The following WWOX variants were observed in gnomAD, a reference collection of about 807,000 sequenced individuals.
WWOX encodes the protein WW domain-containing oxidoreductase.
A neutral mutation model predicts 46.2 loss-of-function variants in WWOX; 69 were observed. The ratio of observed to expected loss-of-function variants is 1.49; its 90% CI spans 1.23 to 1.82. WWOX has a LOEUF of 1.82. Among genes scored for constraint, WWOX ranks in the 40% most tolerant of loss-of-function variants. WWOX has a pLI of 0.00. For missense variants in WWOX, 919 were observed against 542.6 expected, an observed-to-expected ratio of 1.69 and a Z score of -6.89; for synonymous variants, 359 against 202.6, an observed-to-expected ratio of 1.77 and a Z score of -6.56.
chr16:78,530,282 T>C (rs976580579), intron 8 of WWOX, among the ~76,000 whole-genome samples: 1 of 152,178 alleles, frequency 6.6e-6, no homozygotes, highest in Non-Finnish European at 1.5e-5. Flanking sequence ...AGGGTCAGCG[T>C]GACAGCCTTT....
intron 8 of WWOX, chr16:79,077,961 ACT>A (rs1462738882): frequency 1.3e-5 from 2 of 151,528 alleles, no homozygotes; most frequent in African/African-American, 4.9e-5. Context: ...TCTCCAGGAA[ACT>A]CTGTTCCTAC....
At chr16:78,428,648 G>C (rs1198636402) in intron 7 of WWOX, among the ~76,000 whole-genome samples, 1 of 152,196 alleles carries the variant, frequency 6.6e-6, no homozygotes, top group African/African-American at 2.4e-5. Context: ...TTCACTTAGT[G>C]TTCCCTAGTC....
intron 8 of WWOX, among the ~76,000 whole-genome samples, chr16:79,189,160 C>T (rs1357960171): frequency 2.0e-5 from 3 of 152,136 alleles, no homozygotes; most frequent in African/African-American, 7.2e-5. Flanking sequence ...TTTCTGTTTC[C>T]AGCATGGTCT....
chr16:78,838,570 G>A (rs561728776), intron 8 of WWOX, among the ~76,000 whole-genome samples: 2 of 152,258 alleles, frequency 1.3e-5, no homozygotes, highest in East Asian at 3.9e-4. Context: ...GGCTGGGCAC[G>A]GTGGCTCACT....
At chr16:78,362,465 C>G (rs532671059) in intron 5 of WWOX, among the ~76,000 whole-genome samples, 2 of 152,166 alleles carry the variant, frequency 1.3e-5, no homozygotes, top group South Asian at 2.1e-4. Flanking sequence ...CAAAAATTAA[C>G]AGGCGTGGTG....
chr16:78,366,925 A>T (rs1472081429), intron 5 of WWOX, among the ~76,000 whole-genome samples: 4 of 150,790 alleles, frequency 2.7e-5, no homozygotes, highest in African/African-American at 7.3e-5. Flanking sequence ...GTAGGAGAGA[A>T]GTTGAAATTA....
At chr16:79,093,274 A>C (rs535543762) in intron 8 of WWOX, among the ~76,000 whole-genome samples, 20 of 152,230 alleles carry the variant, frequency 1.3e-4, no homozygotes, top group Non-Finnish European at 2.5e-4. Context: ...AGATACACAG[A>C]AACACTAAAT....
At chr16:78,908,433 G>A (rs759823120) in intron 8 of WWOX, among the ~76,000 whole-genome samples, 2 of 151,864 alleles carry the variant, frequency 1.3e-5, no homozygotes, top group African/African-American at 4.8e-5. Flanking sequence ...CTAGCTAGTC[G>A]GGAGGCAGAG....
At chr16:78,863,170 C>G (rs1356285676) in intron 8 of WWOX, among the ~76,000 whole-genome samples, 1 of 152,076 alleles carries the variant, frequency 6.6e-6, no homozygotes, top group Non-Finnish European at 1.5e-5. Context: ...GTTGGCCAGA[C>G]TGGTCTCAAA....
chr16:78,896,496 C>G (rs973467619), intron 8 of WWOX: 1 of 152,174 alleles, frequency 6.6e-6, no homozygotes, highest in African/African-American at 2.4e-5. Flanking sequence ...CCGTCAAAAA[C>G]CGTCTGAGGC....
chr16:78,356,548 A>C (rs536118018), intron 5 of WWOX, among the ~76,000 whole-genome samples: 5 of 152,260 alleles, frequency 3.3e-5, no homozygotes, highest in African/African-American at 1.2e-4. Flanking sequence ...GGTGCAGGGC[A>C]GTGGGACAGA....
At chr16:78,486,539 G>A (rs545142052) in intron 8 of WWOX, among the ~76,000 whole-genome samples, 4 of 146,360 alleles carry the variant, frequency 2.7e-5, no homozygotes, top group South Asian at 2.1e-4. Context: ...TACACTACTG[G>A]GTGTGTTTAA....
chr16:78,176,513 A>C (rs2035352291), intron 5 of WWOX, among the ~76,000 whole-genome samples: 1 of 152,168 alleles, frequency 6.6e-6, no homozygotes, highest in Non-Finnish European at 1.5e-5. Context: ...TCCGACTACA[A>C]TGCGTCCTGT....
intron 8 of WWOX, among the ~76,000 whole-genome samples, chr16:78,528,770 G>T (rs535632898): frequency 6.6e-6 from 1 of 152,170 alleles, no homozygotes; most frequent in Non-Finnish European, 1.5e-5. Context: ...AAATGAAAAG[G>T]CCTATTTGTT....
chr16:78,720,319 T>C (rs2048659867), intron 8 of WWOX, among the ~76,000 whole-genome samples: 1 of 152,108 alleles, frequency 6.6e-6, no homozygotes, highest in Non-Finnish European at 1.5e-5. Context: ...CTTTCTGAAT[T>C]ATTTTTCTTT....
chr16:79,011,177 T>C (rs1281627661), intron 8 of WWOX, among the ~76,000 whole-genome samples: 1 of 146,804 alleles, frequency 6.8e-6, no homozygotes, highest in Non-Finnish European at 1.5e-5. Flanking sequence ...ACACACACTT[T>C]TTTGGAACCA....
chr16:79,111,237 G>A (rs371127683), intron 8 of WWOX, among the ~76,000 whole-genome samples: 1 of 152,340 alleles, frequency 6.6e-6, no homozygotes, highest in Non-Finnish European at 1.5e-5. Flanking sequence ...TTTGTAAGCA[G>A]TTCAGGCACT....
chr16:78,506,393 A>G (rs963115316), intron 8 of WWOX: 5 of 152,274 alleles, frequency 3.3e-5, no homozygotes, highest in Admixed American at 2.6e-4. Flanking sequence ...TTTACCCAAG[A>G]CAGAGAAGAA....
chr16:78,446,832 T>C (rs1445680680), intron 8 of WWOX, among the ~76,000 whole-genome samples: 1 of 151,998 alleles, frequency 6.6e-6, no homozygotes, highest in Non-Finnish European at 1.5e-5. Flanking sequence ...GGCAAACTTT[T>C]ATATTTTTAG....
Sources: allele counts gnomAD v4.1 joint callset (sites outside exome capture counted in the v4.1 genomes callset), GRCh38; gene constraint gnomAD v4.1.1; transcripts MANE v1.5; gene names NCBI Gene and HGNC (gene_info 2026-07-23, HGNC 2026-07-21).